FAM168A: variants seen among roughly 807,000 people sequenced by gnomAD.
The protein encoded by FAM168A is family with sequence similarity 168 member A.
Under a neutral mutation model 28.5 loss-of-function variants are expected in FAM168A, and 3 were observed. That is an observed-to-expected ratio of 0.11 (90% CI 0.05 to 0.27). FAM168A has a LOEUF of 0.27. FAM168A is among the 10% of genes least tolerant of loss of function. The pLI is 1.00. For synonymous variants in FAM168A, 122 were observed against 124.2 expected (o/e 0.98, Z 0.12); for missense variants, 222 against 311.5 (o/e 0.71, Z 2.16).
At chr11:73,498,166 G>GA (rs1048329195) in intron 1 of FAM168A, among the ~76,000 whole-genome samples, 2 of 151,608 alleles carry the variant, frequency 1.3e-5, no homozygotes, top group Non-Finnish European at 2.9e-5. Flanking sequence ...GGCTCCCATC[G>GA]AAAAAAAACA....
At chr11:73,489,506 C>T (rs1868099307) in intron 1 of FAM168A, among the ~76,000 whole-genome samples, 1 of 150,324 alleles carries the variant, frequency 6.7e-6, no homozygotes, top group Non-Finnish European at 1.5e-5. Flanking sequence ...CACCCCATCC[C>T]CCACTTTTTT....
intron 1 of FAM168A, among the ~76,000 whole-genome samples, chr11:73,550,298 G>A (rs1029118691): frequency 4.5e-4 from 68 of 152,266 alleles, no homozygotes; most frequent in Admixed American, 3.8e-3. Context: ...GTAGTGAAAT[G>A]GAATAGAAGG....
intron 1 of FAM168A, among the ~76,000 whole-genome samples, chr11:73,502,669 A>G (rs1855031292): frequency 1.3e-5 from 2 of 152,220 alleles, no homozygotes; most frequent in South Asian, 4.1e-4. Context: ...TCATCCTGAT[A>G]CCAAAACTGG....
intron 1 of FAM168A, among the ~76,000 whole-genome samples, chr11:73,555,295 C>T (rs1247779341): frequency 6.6e-6 from 1 of 151,970 alleles, no homozygotes; most frequent in Non-Finnish European, 1.5e-5. Flanking sequence ...AACAAGGGTA[C>T]CATTCCAGTA....
In FAM168A at chr11:73,408,953, C is replaced by T. The variant is rs1231401120; in HGVS notation, c.595+534G>A. ...ACTGGAGTGCTAGCATCATCTCTCTCCCCTAAAGTACACTGACAGCCTCCT... is the reference window on the plus strand; with the variant it reads ...ACTGGAGTGCTAGCATCATCTCTCTTCCCTAAAGTACACTGACAGCCTCCT... On this transcript the variant is annotated intron_variant, in intron 6 of 7. Coordinates refer to ENST00000356467, the MANE Select transcript of FAM168A (RefSeq NM_015159.3). Among the ~76,000 whole-genome samples, 2 of 151,998 alleles carry T rather than the reference C, an allele frequency of 1.3e-5. 1 individual carries two copies. Among genetic ancestry groups the T allele is most frequent in the African/African-American group, 4.8e-5 (2 of 41,348 alleles).
intron 1 of FAM168A, among the ~76,000 whole-genome samples, chr11:73,469,188 G>A (rs988657661): frequency 6.6e-6 from 1 of 152,154 alleles, no homozygotes; most frequent in Non-Finnish European, 1.5e-5. Context: ...CTGCACAAGT[G>A]CTCTGTTAAT....
At chr11:73,480,671 G>A (rs1565264060) in intron 1 of FAM168A, among the ~76,000 whole-genome samples, 1 of 152,032 alleles carries the variant, frequency 6.6e-6, no homozygotes, top group Admixed American at 6.6e-5. Context: ...TATGAAGAGA[G>A]TGCAAGAGTT....
intron 1 of FAM168A, among the ~76,000 whole-genome samples, chr11:73,591,121 G>A (rs908831387): frequency 6.6e-6 from 1 of 151,854 alleles, no homozygotes; most frequent in African/African-American, 2.4e-5. Context: ...TCCAGGCCGG[G>A]AGACAAAGCG....
chr11:73,524,036 A>T (rs1183984554), intron 1 of FAM168A, among the ~76,000 whole-genome samples: 1 of 151,974 alleles, frequency 6.6e-6, no homozygotes, highest in African/African-American at 2.4e-5. Context: ...CTACTCTCAT[A>T]ATTAATTGTT....
At chr11:73,572,590 T>C (rs1565304074) in intron 1 of FAM168A, among the ~76,000 whole-genome samples, 1 of 149,940 alleles carries the variant, frequency 6.7e-6, no homozygotes, top group Non-Finnish European at 1.5e-5. Context: ...AACCCTGTGC[T>C]CTCTGAAACA....
chr11:73,482,392 C>T (rs552961331), intron 1 of FAM168A, among the ~76,000 whole-genome samples: 15 of 151,572 alleles, frequency 9.9e-5, no homozygotes, highest in East Asian at 7.8e-4. Context: ...ATAGAAAGAC[C>T]GACAAATAAA....
At chr11:73,451,391 G>A (rs1366077991) in intron 2 of FAM168A, among the ~76,000 whole-genome samples, 1 of 152,182 alleles carries the variant, frequency 6.6e-6, no homozygotes, top group African/African-American at 2.4e-5. Context: ...GTTATTAGAG[G>A]TTTGATCATT....
chr11:73,529,670 T>C (rs1244818756), intron 1 of FAM168A, among the ~76,000 whole-genome samples: 1 of 152,292 alleles, frequency 6.6e-6, no homozygotes, highest in East Asian at 1.9e-4. Context: ...ACAGAGCTTC[T>C]AGGGAGGATG....
chr11:73,574,794 C>T (rs1034968608), intron 1 of FAM168A, among the ~76,000 whole-genome samples: 1 of 150,060 alleles, frequency 6.7e-6, no homozygotes, highest in Admixed American at 6.7e-5. Context: ...AAACTCCTGA[C>T]CTCCAGTGAC....
At chr11:73,463,341 A>G (rs1305618488) in intron 2 of FAM168A, among the ~76,000 whole-genome samples, 3 of 152,186 alleles carry the variant, frequency 2.0e-5, no homozygotes, top group Non-Finnish European at 4.4e-5. Context: ...AAGGCAAAAG[A>G]GGCAAGAGTA....
intron 2 of FAM168A, among the ~76,000 whole-genome samples, chr11:73,431,301 C>T (rs1045148770): frequency 6.6e-6 from 1 of 152,100 alleles, no homozygotes; most frequent in Non-Finnish European, 1.5e-5. Context: ...GAGATCATGC[C>T]GCTGCACTCT....
intron 2 of FAM168A, among the ~76,000 whole-genome samples, chr11:73,442,165 G>A (rs1445865360): frequency 1.4e-4 from 20 of 139,662 alleles, no homozygotes; most frequent in African/African-American, 5.4e-4. Flanking sequence ...TCACTCTGTC[G>A]CCCAGGCTGG....
At chr11:73,483,671 T>C (rs1050167740) in intron 1 of FAM168A, among the ~76,000 whole-genome samples, 2 of 152,210 alleles carry the variant, frequency 1.3e-5, no homozygotes, top group Non-Finnish European at 2.9e-5. Flanking sequence ...CAGTCGGAAC[T>C]GACAGAATTT....
chr11:73,537,941 G>A (rs1044172407), intron 1 of FAM168A, among the ~76,000 whole-genome samples: 5 of 152,086 alleles, frequency 3.3e-5, no homozygotes, highest in African/African-American at 9.7e-5. Flanking sequence ...TAAGGAGATA[G>A]GAAGAAAAAT....
Sources: gnomAD v4.1 joint callset for allele counts (sites outside exome capture counted in the v4.1 genomes callset) on GRCh38, gnomAD v4.1.1 for gene constraint, MANE v1.5 for transcripts, NCBI Gene and HGNC (gene_info 2026-07-23, HGNC 2026-07-21) for gene names.